The following CFHR4 variants were observed in gnomAD, a reference collection of about 807,000 sequenced individuals.
CFHR4 encodes complement factor H related 4, also known as complement factor H-related protein 4.
Under a neutral mutation model 69.3 loss-of-function variants are expected in CFHR4, and 64 were observed. That is an observed-to-expected ratio of 0.92 (90% CI 0.76 to 1.14). CFHR4 has a LOEUF of 1.14. Among genes scored for constraint, CFHR4 ranks in the 50% most tolerant of loss-of-function variants. The pLI is 0.00. For missense variants in CFHR4, 636 were observed against 684.9 expected, an observed-to-expected ratio of 0.93 and a Z score of 0.80; for synonymous variants, 244 against 237.0, an observed-to-expected ratio of 1.03 and a Z score of -0.27.
At chr1:196,914,860 A>C in intron 8 of CFHR4, 96 bp from the exon 9 acceptor site, 1 of 1,515,260 alleles carries the variant, frequency 6.6e-7, no homozygotes, top group Non-Finnish European at 8.8e-7. Flanking sequence ...CTAAGAAATC[A>C]AATAAGATAC....
At chr1:196,894,918 G>T (rs60067410) in intron 1 of CFHR4, among the ~76,000 whole-genome samples, 2 of 65,270 alleles carry the variant, frequency 3.1e-5, no homozygotes, top group Non-Finnish European at 6.7e-5. Context: ...AAATTATTCA[G>T]GTATGGTGAA....
At position 196,910,385 on chromosome 1, in the gene CFHR4, T is replaced by A. The variant is rs777012805; in HGVS notation, c.904T>A (p.Tyr302Asn). The change falls in exon 6 of 10, where the codon TAC (tyrosine) becomes AAC (asparagine). Residue 302 changes from tyrosine (Y) to asparagine (N), a missense_variant. By Grantham distance (143) the Tyr-to-Asn change is moderately radical. Coordinates refer to ENST00000608469, the MANE Select transcript of CFHR4 (RefSeq NM_001201550.3). ...PVATGQSYSY[Y>N]CDQNFVTPSG... ...AGCTACAGGACAATCTTACTCCTAT[T>A]ACTGTGACCAAAATTTTGTGACTCC... The A allele has an allele frequency of 3.0e-5, 49 of 1,612,230 alleles. No individual in the cohort carries two copies. Among genetic ancestry groups the A allele is most frequent in the Middle Eastern group, 1.6e-4 (1 of 6,084 alleles).
At chr1:196,907,197 A>G in intron 4 of CFHR4, 119 bp from the exon 5 acceptor site, 2 of 1,225,798 alleles carry the variant, frequency 1.6e-6, no homozygotes, top group South Asian at 2.8e-5. Flanking sequence ...AAGGTTGAAA[A>G]TACAAATGTC....
intron 3 of CFHR4, 92 bp from the exon 4 acceptor site, chr1:196,906,765 CTGAT>C (rs1657926877): frequency 1.5e-6 from 2 of 1,303,958 alleles, no homozygotes; most frequent in South Asian, 1.6e-5. Context: ...TTAGCACACA[CTGAT>C]TGGTAAATTT....
intron 5 of CFHR4, among the ~76,000 whole-genome samples, chr1:196,909,408 A>G (rs6428376): frequency 0.99 from 150,466 of 151,458 alleles, 74,779 homozygotes; most frequent in Middle Eastern, 1. Flanking sequence ...AGAACAGCAG[A>G]AAACTTTAGA....
At chr1:196,907,135 C>A in intron 4 of CFHR4, 98 bp downstream of exon 4, 2 of 1,239,638 alleles carry the variant, frequency 1.6e-6, no homozygotes, top group Non-Finnish European at 2.3e-6. Flanking sequence ...CATATGTGTA[C>A]ATATACATGT....
chr1:196,906,708 CA>C (rs531928324), intron 3 of CFHR4, among the ~76,000 whole-genome samples, 152 bp from the exon 4 acceptor site: 18 of 150,748 alleles, frequency 1.2e-4, no homozygotes, highest in East Asian at 5.8e-4. Flanking sequence ...TGTTATAGCA[CA>C]AAAAAAACAC....
Position 196,910,329 on chromosome 1 carries a change from A to G in CFHR4, c.848A>G (p.Tyr283Cys). 1 of 1,610,830 alleles carries G rather than the reference A, an allele frequency of 6.2e-7. No homozygotes were observed. The highest frequency in any genetic ancestry group is 1.7e-5 in the Admixed American group (1 of 59,744). The change falls in exon 6 of 10, where the codon TAT becomes TGT. Residue 283 changes from tyrosine (Y) to cysteine (C), a missense_variant. Tyr to Cys is a radical substitution (Grantham distance 194). Coordinates refer to ENST00000608469, the MANE Select transcript of CFHR4 (RefSeq NM_001201550.3). ...FPEIQHGHLY[Y>C]ENTRRPYFPV... ...GAAATTCAACATGGACATCTATATT[A>G]TGAGAATACGCGTAGACCATACTTT...
At chr1:196,908,466 G>A (rs961685071) in intron 5 of CFHR4, among the ~76,000 whole-genome samples, 3 of 151,262 alleles carry the variant, frequency 2.0e-5, no homozygotes, top group African/African-American at 7.3e-5. Flanking sequence ...TTAACAGAAA[G>A]CTCAGCCATT....
intron 1 of CFHR4, among the ~76,000 whole-genome samples, chr1:196,898,761 C>T (rs6671307): frequency 0.99 from 150,521 of 151,506 alleles, 74,806 homozygotes; most frequent in Middle Eastern, 1. Context: ...TGTGTCGTTG[C>T]CAAGGATGTT....
Position 196,902,585 on chromosome 1 carries a change from G to T in CFHR4, c.226G>T (p.Asp76Tyr). 6.2e-7 allele frequency: 1 copy of T among 1,612,296 alleles called. No individual in the cohort carries two copies. The change falls in exon 2 of 10, where the codon GAT becomes TAT. Residue 76 changes from aspartate (D) to tyrosine (Y), a missense_variant. By Grantham distance (160) the Asp-to-Tyr change is radical (BLOSUM62 -3). Coordinates refer to ENST00000608469, the MANE Select transcript of CFHR4 (RefSeq NM_001201550.3). ...SYWDYIHCTQ[D>Y]GWSPTVPCLR... is the part of the protein sequence containing the mutation. ...CTGGGATTACATTCATTGCACACAA[G>T]ATGGTTGGTCACCAACGGTCCCATG...
chr1:196,916,023 G>T (rs1351238018), intron 9 of CFHR4, among the ~76,000 whole-genome samples: 2 of 151,374 alleles, frequency 1.3e-5, no homozygotes, highest in African/African-American at 4.9e-5. Context: ...AAGCAACAAA[G>T]AAATTAACGA....
intron 3 of CFHR4, 30 bp downstream of exon 3, chr1:196,905,320 T>C: frequency 6.2e-7 from 1 of 1,607,944 alleles, no homozygotes; most frequent in Non-Finnish European, 8.5e-7. Flanking sequence ...CCACTCAGTT[T>C]CTGTCAACTT....
intron 9 of CFHR4, among the ~76,000 whole-genome samples, chr1:196,915,846 A>C (rs1174770785): frequency 6.6e-6 from 1 of 151,450 alleles, no homozygotes; most frequent in Admixed American, 6.6e-5. Flanking sequence ...ATTAACACTG[A>C]GGTAGAGTTT....
At chr1:196,891,176 C>T (rs1171255090) in intron 1 of CFHR4, among the ~76,000 whole-genome samples, 3 of 151,324 alleles carry the variant, frequency 2.0e-5, no homozygotes, top group Non-Finnish European at 2.9e-5. Context: ...CACTTGAACC[C>T]GGGAGGTGGA....
chr1:196,905,666 C>T (rs533457661), intron 3 of CFHR4, among the ~76,000 whole-genome samples: 1 of 151,598 alleles, frequency 6.6e-6, no homozygotes, highest in East Asian at 1.9e-4. Context: ...CTTGCTCACA[C>T]TCTTAAGATG....
chr1:196,914,264 A>G (rs1221778080), intron 7 of CFHR4, among the ~76,000 whole-genome samples: 1 of 151,494 alleles, frequency 6.6e-6, no homozygotes. Flanking sequence ...TGTTTCTAAT[A>G]TATTTTCACA....
chr1:196,905,022 C>T, intron 2 of CFHR4, 86 bp from the exon 3 acceptor site: 1 of 1,211,196 alleles, frequency 8.3e-7, no homozygotes, highest in East Asian at 2.6e-5. Flanking sequence ...CATTGTTTCA[C>T]CATACTGCCA....
chr1:196,904,918 T>G (rs1168509938), intron 2 of CFHR4, among the ~76,000 whole-genome samples, 190 bp from the exon 3 acceptor site: 1 of 151,600 alleles, frequency 6.6e-6, no homozygotes, highest in Non-Finnish European at 1.5e-5. Flanking sequence ...GCTTTTATTC[T>G]GCCCTTCCCT....
Sources: gnomAD v4.1 joint callset for allele counts (sites outside exome capture counted in the v4.1 genomes callset) on GRCh38, gnomAD v4.1.1 for gene constraint, MANE v1.5 for transcripts, NCBI Gene and HGNC (gene_info 2026-07-23, HGNC 2026-07-21) for gene names.